CSMD1: variants seen among roughly 807,000 people sequenced by gnomAD.
CSMD1 encodes the protein CUB and sushi domain-containing protein 1.
CSMD1 carries 213 observed loss-of-function variants against 417.5 expected under a neutral mutation model. The ratio of observed to expected loss-of-function variants is 0.51; its 90% confidence interval spans 0.46 to 0.57. The LOEUF (loss-of-function observed/expected upper bound fraction) is 0.57. CSMD1 is among the 20% of genes least tolerant of loss of function. The pLI is 0.00. For missense variants in CSMD1, 6,923 were observed against 4,529.7 expected (o/e 1.53, Z -15.17); for synonymous variants, 2,862 against 1,736.8 (o/e 1.65, Z -16.11).
At chr8:4,041,177 C>T (rs533211315) in intron 3 of CSMD1, among the ~76,000 whole-genome samples, 33 of 151,868 alleles carry the variant, frequency 2.2e-4, no homozygotes, top group East Asian at 1.2e-3. Context: ...CCACCACGCC[C>T]GGCTAATTTT....
At chr8:4,431,972 A>G (rs935868849) in intron 2 of CSMD1, among the ~76,000 whole-genome samples, 14 of 152,208 alleles carry the variant, frequency 9.2e-5, no homozygotes, top group African/African-American at 3.4e-4. Flanking sequence ...CACGGCAGTA[A>G]CTTACATTTA....
At chr8:4,072,041 T>C (rs1006826592) in intron 3 of CSMD1, among the ~76,000 whole-genome samples, 2 of 152,178 alleles carry the variant, frequency 1.3e-5, no homozygotes, top group Non-Finnish European at 2.9e-5. Context: ...AAAGTGGATG[T>C]TAGGATAGAG....
At chr8:3,167,641 C>G (rs1050675830) in intron 37 of CSMD1, among the ~76,000 whole-genome samples, 1 of 152,136 alleles carries the variant, frequency 6.6e-6, no homozygotes, top group Non-Finnish European at 1.5e-5. Flanking sequence ...TAGAATGTAG[C>G]AAGAGAAGTT....
At chr8:4,452,987 G>C (rs777280133) in intron 2 of CSMD1, among the ~76,000 whole-genome samples, 17 of 152,116 alleles carry the variant, frequency 1.1e-4, no homozygotes, top group African/African-American at 2.4e-4. Flanking sequence ...GAGTTGCAGA[G>C]ACTGTTTCCC....
chr8:4,673,766 A>G (rs1355292439), intron 1 of CSMD1, among the ~76,000 whole-genome samples: 3 of 152,332 alleles, frequency 2.0e-5, no homozygotes, highest in East Asian at 3.9e-4. Flanking sequence ...ACAAAAGGTC[A>G]CACATTGTAT....
intron 3 of CSMD1, among the ~76,000 whole-genome samples, chr8:4,245,296 A>G (rs1274603942): frequency 6.6e-6 from 1 of 152,182 alleles, no homozygotes; most frequent in Non-Finnish European, 1.5e-5. Flanking sequence ...AACACAACAA[A>G]CACTGCATAA....
chr8:4,752,371 A>T (rs1030220969), intron 1 of CSMD1, among the ~76,000 whole-genome samples: 2 of 152,166 alleles, frequency 1.3e-5, no homozygotes, highest in Admixed American at 1.3e-4. Flanking sequence ...TGAACAATAG[A>T]TGAAACAAAA....
intron 5 of CSMD1, among the ~76,000 whole-genome samples, chr8:3,798,610 C>A (rs1462011241): frequency 6.6e-6 from 1 of 152,036 alleles, no homozygotes; most frequent in Non-Finnish European, 1.5e-5. Flanking sequence ...ATTAACTTTG[C>A]TTCCATGAAG....
rs868407616 is a variant in CSMD1 at position 3,307,709 on chromosome 8, T to G, written c.3936A>C (p.Pro1312=). The G allele has an allele frequency of 6.2e-7, 1 of 1,613,532 alleles. No homozygotes were observed. The highest frequency in any genetic ancestry group is 8.5e-7 in the Non-Finnish European group (1 of 1,179,608). Residue 1312 remains proline (P), a synonymous_variant, in exon 25 of 70, where the codon CCA becomes CCC. Transcript: ENST00000635120. The part of the protein sequence containing the change: ...LHCTWIIEAD[P]GKTISLHFIV... ...AAAACAAGTACCTAATGGTCTTTCC[T>G]GGGTCTGCCTCTATAATCCAGGTGC... is the stretch of plus-strand genomic sequence containing the variant.
At chr8:4,251,102 T>A (rs1241742156) in intron 3 of CSMD1, among the ~76,000 whole-genome samples, 1 of 152,170 alleles carries the variant, frequency 6.6e-6, no homozygotes, top group African/African-American at 2.4e-5. Flanking sequence ...CCTGCCAAAT[T>A]TCTGAAGGCT....
chr8:3,609,082 T>C (rs1323384236), intron 8 of CSMD1, among the ~76,000 whole-genome samples: 4 of 152,178 alleles, frequency 2.6e-5, no homozygotes, highest in African/African-American at 4.8e-5. Context: ...ACTACCAAGG[T>C]CAATAGAAGC....
intron 7 of CSMD1, among the ~76,000 whole-genome samples, chr8:3,646,975 A>T (rs1797607643): frequency 6.6e-6 from 1 of 152,170 alleles, no homozygotes; most frequent in African/African-American, 2.4e-5. Flanking sequence ...AACTATTCCC[A>T]AATTCAAGGG....
chr8:4,140,375 G>C (rs1803711675), intron 3 of CSMD1, among the ~76,000 whole-genome samples: 2 of 151,006 alleles, frequency 1.3e-5, no homozygotes. Flanking sequence ...GCACATGCCT[G>C]TAATCCCAGC....
intron 5 of CSMD1, among the ~76,000 whole-genome samples, chr8:3,886,277 G>C (rs1806557660): frequency 6.6e-6 from 1 of 152,140 alleles, no homozygotes; most frequent in South Asian, 2.1e-4. Context: ...TCAAACTCCT[G>C]ACCTCAAGTA....
At chr8:4,299,589 C>G (rs1345671581) in intron 3 of CSMD1, among the ~76,000 whole-genome samples, 2 of 152,072 alleles carry the variant, frequency 1.3e-5, no homozygotes, top group African/African-American at 4.8e-5. Context: ...AGAAATATGC[C>G]CCATATTGGC....
chr8:3,158,099 ATC>A (rs1281876605), intron 38 of CSMD1, 133 bp from the exon 39 acceptor site: 4 of 734,680 alleles, frequency 5.4e-6, no homozygotes, highest in African/African-American at 5.3e-5. Context: ...AAATTGTGAA[ATC>A]TGTTTTTAGT....
At chr8:3,586,071 A>G in intron 9 of CSMD1, 65 bp downstream of exon 9, 1 of 1,533,694 alleles carries the variant, frequency 6.5e-7, no homozygotes. Context: ...TAAATTGTAT[A>G]TTCATAAAAA....
At chr8:3,765,739 G>T (rs911380330) in intron 5 of CSMD1, among the ~76,000 whole-genome samples, 11 of 152,180 alleles carry the variant, frequency 7.2e-5, no homozygotes, top group African/African-American at 1.4e-4. Flanking sequence ...GGGGCGCCCA[G>T]GGGGTGAGAT....
intron 3 of CSMD1, among the ~76,000 whole-genome samples, chr8:4,368,282 A>G (rs1409025236): frequency 6.6e-6 from 1 of 152,140 alleles, no homozygotes; most frequent in Non-Finnish European, 1.5e-5. Context: ...TATATGGTGA[A>G]TCACATTTAT....
Sources: allele counts gnomAD v4.1 joint callset (sites outside exome capture counted in the v4.1 genomes callset), GRCh38; gene constraint gnomAD v4.1.1; transcripts MANE v1.5; gene names NCBI Gene and HGNC (gene_info 2026-07-23, HGNC 2026-07-21).